Variants in SWAP70 observed in about 807,000 individuals in gnomAD.
SWAP70 encodes switch-associated protein 70.
SWAP70 carries 34 observed loss-of-function variants against 80.2 expected under a neutral mutation model. The observed-to-expected ratio is 0.42, with a 90% CI of 0.32 to 0.56. The LOEUF is 0.56. Among genes scored for constraint, SWAP70 ranks in the 20% least tolerant of loss-of-function variants. SWAP70 has a pLI of 0.09. For synonymous variants in SWAP70, 239 were observed against 238.5 expected (o/e 1.00, Z -0.02); for missense variants, 578 against 690.7 (o/e 0.84, Z 1.83).
intron 1 of SWAP70, among the ~76,000 whole-genome samples, chr11:9,673,830 G>A (rs1383915190): frequency 1.3e-5 from 2 of 151,982 alleles, no homozygotes; most frequent in Non-Finnish European, 2.9e-5. Context: ...AGGAGCAGGC[G>A]AAAAAAGGGC....
At chr11:9,716,688 A>G (rs1477387318) in intron 3 of SWAP70, among the ~76,000 whole-genome samples, 1 of 152,172 alleles carries the variant, frequency 6.6e-6, no homozygotes, top group Non-Finnish European at 1.5e-5. Flanking sequence ...GACATATTGC[A>G]TGGTGGTGGG....
intron 2 of SWAP70, among the ~76,000 whole-genome samples, chr11:9,697,571 C>T (rs1470969390): frequency 1.3e-5 from 2 of 152,182 alleles, no homozygotes; most frequent in African/African-American, 2.4e-5. Context: ...GCATGAGCCA[C>T]TGTGCCCAGC....
At chr11:9,702,376 G>T (rs1850843689) in intron 2 of SWAP70, among the ~76,000 whole-genome samples, 2 of 150,748 alleles carry the variant, frequency 1.3e-5, no homozygotes, top group African/African-American at 4.9e-5. Flanking sequence ...TTCGTTCATT[G>T]TTTTTTGAAA....
chr11:9,698,910 T>G (rs2572947), intron 2 of SWAP70, among the ~76,000 whole-genome samples: 21,400 of 152,000 alleles, frequency 0.14, 3,156 homozygotes, highest in African/African-American at 0.38. Context: ...TATTTGTGGT[T>G]AGAATACTTA....
chr11:9,726,948 G>A (rs1391996933), intron 4 of SWAP70: 1 of 456,276 alleles, frequency 2.2e-6, no homozygotes, highest in African/African-American at 2.0e-5. Flanking sequence ...GAGAGGTCAG[G>A]CAGAAAGGTA....
At chr11:9,712,333 T>A (rs1033971131) in intron 2 of SWAP70, among the ~76,000 whole-genome samples, 1 of 152,182 alleles carries the variant, frequency 6.6e-6, no homozygotes, top group African/African-American at 2.4e-5. Flanking sequence ...ACAGTTATAT[T>A]AAAATTTATT....
intron 9 of SWAP70, chr11:9,741,014 C>T (rs1440866677): frequency 6.5e-6 from 1 of 154,124 alleles, no homozygotes; most frequent in Admixed American, 6.4e-5. Context: ...CTTTGCTGCC[C>T]CATTTACATT....
In SWAP70 at chr11:9,724,330, G is replaced by A. The variant is rs183890896; in HGVS notation, c.415-328G>A. Among the ~76,000 whole-genome samples, 23 of 152,288 alleles carry A rather than the reference G, an allele frequency of 1.5e-4. No homozygotes were observed. The Middle Eastern group carries it at 0.01, about 68-fold the overall frequency. On this transcript the variant is annotated intron_variant, in intron 3 of 11. Coordinates refer to ENST00000318950, the MANE Select transcript of SWAP70 (RefSeq NM_015055.4). The stretch of plus-strand genomic sequence containing the variant: ...AGTAAGACTAATGTTCTGATATATT[G>A]AAATATTTAACAGCGAGTAATCAGA...
intron 2 of SWAP70, 76 bp downstream of exon 2, chr11:9,694,362 G>A: frequency 6.8e-7 from 1 of 1,463,218 alleles, no homozygotes; most frequent in Non-Finnish European, 9.1e-7. Context: ...GCCCCCTGTT[G>A]GTGAGTTCAC....
At chr11:9,700,606 T>G (rs949358346) in intron 2 of SWAP70, among the ~76,000 whole-genome samples, 1 of 152,212 alleles carries the variant, frequency 6.6e-6, no homozygotes, top group African/African-American at 2.4e-5. Context: ...GGAAACAGCT[T>G]AAGGTGGCCT....
At chr11:9,717,682 A>G (rs920126171) in intron 3 of SWAP70, among the ~76,000 whole-genome samples, 2 of 148,118 alleles carry the variant, frequency 1.4e-5, no homozygotes, top group African/African-American at 4.9e-5. Context: ...AAAAAATTAC[A>G]GTATTTTAAA....
intron 1 of SWAP70, among the ~76,000 whole-genome samples, chr11:9,678,714 G>A (rs889346375): frequency 7.9e-5 from 12 of 151,684 alleles, no homozygotes; most frequent in Admixed American, 3.3e-4. Flanking sequence ...GAGGCTTTAG[G>A]CGACCTTCTC....
At chr11:9,686,472 T>C (rs997754170) in intron 1 of SWAP70, among the ~76,000 whole-genome samples, 1 of 151,938 alleles carries the variant, frequency 6.6e-6, no homozygotes, top group African/African-American at 2.4e-5. Flanking sequence ...TTGATTCTCC[T>C]ACCTTAGCCT....
intron 2 of SWAP70, among the ~76,000 whole-genome samples, chr11:9,696,425 T>G (rs1242126167): frequency 6.6e-6 from 1 of 152,216 alleles, no homozygotes; most frequent in Non-Finnish European, 1.5e-5. Flanking sequence ...GTAGTCTGAT[T>G]TTCCTGGAGT....
intron 2 of SWAP70, among the ~76,000 whole-genome samples, chr11:9,698,840 A>G (rs1850795085): frequency 6.6e-6 from 1 of 152,140 alleles, no homozygotes; most frequent in Non-Finnish European, 1.5e-5. Flanking sequence ...ATGCTTTGCA[A>G]TGTGTATACA....
Position 9,740,245 on chromosome 11 carries a change from G to C in SWAP70, c.1253G>C (p.Arg418Pro). 1.2e-6 allele frequency: 2 copies of C among 1,614,178 alleles called. No homozygotes were observed. The highest frequency in any genetic ancestry group is 2.2e-5 in the South Asian group (2 of 91,076). ...KSSELEQYLQ[R>P]VRELEDMYLK... Reference sequence around the variant, plus strand: ...TCTGAACTGGAACAGTATTTACAGCGAGTACGGGAGCTGGAAGACATGTAC... The same window carrying C: ...TCTGAACTGGAACAGTATTTACAGCCAGTACGGGAGCTGGAAGACATGTAC... The change falls in exon 9 of 12, where the codon CGA becomes CCA. Residue 418 changes from arginine to proline, a missense_variant. Arg to Pro is a moderately radical substitution (Grantham distance 103, BLOSUM62 -2). Coordinates refer to ENST00000318950, the MANE Select transcript of SWAP70 (RefSeq NM_015055.4).
At chr11:9,742,377 A>T (rs890913133) in intron 9 of SWAP70, among the ~76,000 whole-genome samples, 1 of 151,280 alleles carries the variant, frequency 6.6e-6, no homozygotes, top group Admixed American at 6.6e-5. Flanking sequence ...TTGCTCTGTT[A>T]TCAGGCTGGA....
Position 9,690,577 on chromosome 11 carries a change from AAAAC to A in SWAP70, c.100-3557_100-3554del, listed in dbSNP as rs1048560379. ...AGAGTGAGACTCTGCCTCAAAACAA[AAAAC>A]AAACAAACAAAAAACCTTGTTGAGA... On this transcript the variant is annotated intron_variant, in intron 1 of 11. Transcript: ENST00000318950. Among the ~76,000 whole-genome samples the A allele has an allele frequency of 3.9e-5, 6 of 152,154 alleles. No homozygotes were observed. In the South Asian group the frequency reaches 6.2e-4, roughly 16 times the overall value.
At chr11:9,683,770 TGAAAGTAGCTG>T (rs1850597193) in intron 1 of SWAP70, among the ~76,000 whole-genome samples, 1 of 152,204 alleles carries the variant, frequency 6.6e-6, no homozygotes, top group Non-Finnish European at 1.5e-5. Flanking sequence ...ACTGGGACCC[TGAAAGTAGCTG>T]GAGGCTATCA....
Sources: allele counts gnomAD v4.1 joint callset (sites outside exome capture counted in the v4.1 genomes callset), GRCh38; gene constraint gnomAD v4.1.1; transcripts MANE v1.5; gene names NCBI Gene and HGNC (gene_info 2026-07-23, HGNC 2026-07-21).